Variants in CHAF1A observed in about 807,000 individuals in gnomAD.
CHAF1A encodes the protein CAF-1 subunit A.
Under a neutral mutation model 93.2 loss-of-function variants are expected in CHAF1A, and 5 were observed. The ratio of observed to expected loss-of-function variants is 0.05; its 90% CI spans 0.03 to 0.11. The LOEUF (loss-of-function observed/expected upper bound fraction) is 0.11, where lower values mean the gene tolerates loss of function less well. CHAF1A is among the 10% of genes least tolerant of loss of function. The probability of loss-of-function intolerance (pLI) is 1.00; values close to 1 mark genes in which losing one functional copy is unlikely to be tolerated. For synonymous variants in CHAF1A, 504 were observed against 510.3 expected, an observed-to-expected ratio of 0.99 and a Z score of 0.17; for missense variants, 1,102 against 1,259.9, an observed-to-expected ratio of 0.87 and a Z score of 1.90.
At chr19:4,405,254 A>G (rs1045818225) in intron 1 of CHAF1A, among the ~76,000 whole-genome samples, 1 of 152,200 alleles carries the variant, frequency 6.6e-6, no homozygotes, top group African/African-American at 2.4e-5. Context: ...CGTAATAAAC[A>G]CGAAAGTTTC....
intron 13 of CHAF1A, among the ~76,000 whole-genome samples, chr19:4,440,766 T>C (rs1028200174): frequency 6.6e-6 from 1 of 151,912 alleles, no homozygotes; most frequent in Admixed American, 6.6e-5. Context: ...AGCAGGTGAC[T>C]GACTGCTCCA....
chr19:4,420,325 C>T (rs895345807), intron 4 of CHAF1A, among the ~76,000 whole-genome samples: 2 of 152,026 alleles, frequency 1.3e-5, no homozygotes, highest in Non-Finnish European at 2.9e-5. Flanking sequence ...TCCCTGCAAC[C>T]TCCACCTCCC....
Position 4,433,528 on chromosome 19 carries a change from C to T in CHAF1A, c.2662C>T (p.His888Tyr). 6.3e-7 allele frequency: 1 copy of T among 1,575,844 alleles called. No individual in the cohort carries two copies. The highest frequency in any genetic ancestry group is 1.7e-5 in the Admixed American group (1 of 58,474). The part of the protein sequence containing the change: ...CITQFMKKRR[H>Y]DGQIGAEDMD... ...CACCCAATTCATGAAGAAGCGCAGG[C>T]ACGACGGCCAGGTGAGGTGGGGTGG... The change falls in exon 13 of 15, where the codon CAC (histidine) becomes TAC (tyrosine). Residue 888 changes from histidine to tyrosine, a missense_variant. His to Tyr is a moderately conservative substitution (Grantham distance 83). Coordinates refer to ENST00000301280, the MANE Select transcript of CHAF1A (RefSeq NM_005483.3). The surrounding 1 kb of genome is among the most constrained non-coding windows in gnomAD (Gnocchi z 5.6).
chr19:4,447,591 C>T (rs367786829), downstream of CHAF1A: 208 of 1,613,678 alleles, frequency 1.3e-4, no homozygotes, highest in Non-Finnish European at 1.7e-4. Flanking sequence ...CGGTACTTCT[C>T]CTCCTCGGGG....
intron 13 of CHAF1A, among the ~76,000 whole-genome samples, chr19:4,434,085 G>A (rs372194933): frequency 9.9e-5 from 15 of 152,076 alleles, no homozygotes; most frequent in African/African-American, 3.1e-4. Context: ...TGTGGCTCAC[G>A]CCTGTAGTCT....
At chr19:4,448,773 A>C (rs1358710356), downstream of CHAF1A, 2 of 245,546 alleles carry the variant, frequency 8.1e-6, no homozygotes, top group Non-Finnish European at 1.6e-5. Flanking sequence ...CACTTACAGA[A>C]CCTCCCGCCA....
chr19:4,413,068 C>T (rs903268134), intron 3 of CHAF1A, among the ~76,000 whole-genome samples: 1 of 151,952 alleles, frequency 6.6e-6, no homozygotes, highest in African/African-American at 2.4e-5. Flanking sequence ...GTACCTAACT[C>T]TTTTTTATTT....
rs749649310 is a variant in CHAF1A at position 4,409,440 on chromosome 19, C to G, written c.641C>G (p.Pro214Arg). The change falls in exon 3 of 15, where the codon CCG becomes CGG. Residue 214 changes from proline to arginine, a missense_variant. Physicochemically the swap from Pro to Arg is moderately radical, Grantham distance 103 (BLOSUM62 -2). Transcript: ENST00000301280. ...AGCTGCCCGGAGCTGACGAGTGGCC[C>G]GAGAATGTGCCCCAGAAAGGAGCAG... ...PRSCPELTSG[P>R]RMCPRKEQDS... 1 of 1,613,884 alleles carries G rather than the reference C, an allele frequency of 6.2e-7. No homozygotes were observed. Among genetic ancestry groups the G allele is most frequent in the South Asian group, 1.1e-5 (1 of 91,078 alleles).
intron 13 of CHAF1A, among the ~76,000 whole-genome samples, chr19:4,435,369 C>T (rs968845881): frequency 1.1e-4 from 16 of 151,994 alleles, no homozygotes; most frequent in African/African-American, 3.1e-4. Flanking sequence ...TGAGCCACCA[C>T]GCCTGTCCTG....
At chr19:4,435,325 G>A (rs1165662880) in intron 13 of CHAF1A, among the ~76,000 whole-genome samples, 6 of 151,646 alleles carry the variant, frequency 4.0e-5, no homozygotes, top group East Asian at 1.9e-4. Context: ...TGATCCGCCC[G>A]CCTTAGCCTT....
intron 1 of CHAF1A, 105 bp downstream of exon 1, chr19:4,402,919 C>G: frequency 1.5e-6 from 1 of 686,248 alleles, no homozygotes; most frequent in Non-Finnish European, 2.0e-6. Flanking sequence ...CAAGCCTGGT[C>G]CTGCGGGCCG....
rs1213816599 is a variant in CHAF1A, at chr19:4,430,531, T to A, written c.1855-18T>A. 2.0e-6 allele frequency: 3 copies of A among 1,536,344 alleles called. No homozygotes were observed. Among genetic ancestry groups the A allele is most frequent in the East Asian group, 2.2e-5 (1 of 44,470 alleles). On this transcript the variant is annotated intron_variant, in intron 10 of 14. Transcript: ENST00000301280. The stretch of plus-strand genomic sequence containing the variant: ...TGCTTTTCTATCTGATGAACTCTTT[T>A]TTTTTTCTCCTTTTGAGGATGATGA...
chr19:4,411,445 A>G (rs243350), intron 3 of CHAF1A, among the ~76,000 whole-genome samples: 50,253 of 151,618 alleles, frequency 0.33, 8,814 homozygotes, highest in East Asian at 0.59. Context: ...GGCCAGACTG[A>G]TTTCAAACTC....
chr19:4,427,705 A>C (rs1365645071), intron 7 of CHAF1A, among the ~76,000 whole-genome samples: 5 of 152,208 alleles, frequency 3.3e-5, no homozygotes, highest in African/African-American at 1.2e-4. Flanking sequence ...CTCCTGCCTC[A>C]GGCTCCCAAG....
In CHAF1A at chr19:4,429,732, A is replaced by C; in HGVS notation, c.1798A>C (p.Ser600Arg). Residue 600 changes from serine to arginine, a missense_variant, in exon 10 of 15, where the codon AGT becomes CGT. Transcript: ENST00000301280. ...DTKLLDYEVD[S>R]DEEWEEEEPG... is the part of the protein sequence containing the mutation. ...GAAGCTCCTGGACTATGAGGTGGAC[A>C]GTGATGAGGAGTGGGAAGAAGAGGA... is the stretch of plus-strand genomic sequence containing the variant. 6.2e-7 allele frequency: 1 copy of C among 1,614,148 alleles called. No homozygotes were observed. The highest frequency in any genetic ancestry group is 8.5e-7 in the Non-Finnish European group (1 of 1,180,022).
chr19:4,416,966 G>T (rs1973906652), intron 3 of CHAF1A, among the ~76,000 whole-genome samples: 1 of 152,092 alleles, frequency 6.6e-6, no homozygotes, highest in African/African-American at 2.4e-5. Flanking sequence ...CAGGAAACCA[G>T]CCTGGAGACA....
intron 3 of CHAF1A, among the ~76,000 whole-genome samples, chr19:4,410,382 A>G (rs931445059): frequency 7.5e-6 from 1 of 132,836 alleles, no homozygotes; most frequent in Admixed American, 9.2e-5. Context: ...ATGAAAAAAA[A>G]TTACTTTTTT....
At chr19:4,415,855 C>A (rs535780570) in intron 3 of CHAF1A, among the ~76,000 whole-genome samples, 1 of 152,172 alleles carries the variant, frequency 6.6e-6, no homozygotes, top group Admixed American at 6.5e-5. Flanking sequence ...AGGTCCTAGT[C>A]AGGGGTTCAG....
intron 3 of CHAF1A, among the ~76,000 whole-genome samples, chr19:4,415,682 C>T (rs547936234): frequency 6.6e-6 from 1 of 152,092 alleles, no homozygotes; most frequent in East Asian, 1.9e-4. Context: ...GACTGAACAC[C>T]CTGGCCTGAT....
Sources: allele counts gnomAD v4.1 joint callset (sites outside exome capture counted in the v4.1 genomes callset), GRCh38; gene constraint gnomAD v4.1.1; non-coding constraint Gnocchi (gnomAD v3.1); transcripts MANE v1.5; gene names NCBI Gene and HGNC (gene_info 2026-07-23, HGNC 2026-07-21).